SCN1A: variants seen among roughly 807,000 people sequenced by gnomAD.
The protein encoded by SCN1A is sodium voltage-gated channel alpha subunit 1.
SCN1A carries 13 observed loss-of-function variants against 193.7 expected under a neutral mutation model. The ratio of observed to expected loss-of-function variants is 0.07; its 90% CI spans 0.04 to 0.11. The LOEUF (loss-of-function observed/expected upper bound fraction) is 0.11. Ranked by LOEUF, SCN1A falls within the 10% of genes least tolerant of loss-of-function variation. The pLI is 1.00. For missense variants in SCN1A, 1,432 were observed against 2,451.1 expected, an observed-to-expected ratio of 0.58 and a Z score of 8.78; for synonymous variants, 781 against 843.6, an observed-to-expected ratio of 0.93 and a Z score of 1.29.
intron 24 of SCN1A, chr2:166,000,184 G>A (rs868007717): frequency 4.9e-6 from 1 of 202,184 alleles, no homozygotes; most frequent in East Asian, 1.1e-4. Flanking sequence ...TTATCTGCAG[G>A]GTGATCAAAG....
intron 2 of SCN1A, among the ~76,000 whole-genome samples, chr2:166,095,215 C>A (rs1687246721): frequency 1.3e-5 from 2 of 152,074 alleles, no homozygotes; most frequent in Admixed American, 1.3e-4. Flanking sequence ...TTCTCTTTTC[C>A]AAGCTGAAAA....
intron 20 of SCN1A, among the ~76,000 whole-genome samples, chr2:166,014,592 CAAAAAAA>C (rs3032611): frequency 3.5e-5 from 2 of 56,576 alleles, no homozygotes; most frequent in Non-Finnish European, 5.1e-5. Flanking sequence ...ATCTGGTTTT[CAAAAAAA>C]AAAAAAAGAA....
At chr2:166,104,834 C>G (rs1384696613) in intron 2 of SCN1A, among the ~76,000 whole-genome samples, 1 of 152,176 alleles carries the variant, frequency 6.6e-6, no homozygotes, top group Non-Finnish European at 1.5e-5. Flanking sequence ...AGACATTTGT[C>G]TTAGAGCCGA....
chr2:165,992,219 T>C lies in SCN1A; in HGVS notation c.5056A>G (p.Ile1686Val). ...TAGGCAAAGTTGGACATCCCAAAGA[T>C]GGCGTAGATGAACATGACTAGGAAG... ...LLFLVMFIYA[I>V]FGMSNFAYVK... The change falls in exon 29 of 29, where the codon ATC (isoleucine) becomes GTC (valine). Residue 1686 changes from isoleucine (I) to valine (V), a missense_variant. Around this residue, in one of 18 missense-constraint regions of SCN1A, gnomAD observed 85 missense variants for 213.2 expected, o/e 0.40. Coordinates refer to ENST00000674923, the MANE Select transcript of SCN1A (RefSeq NM_001165963.4). This position sits in a 1 kb window ranked among gnomAD's most constrained non-coding sequence, Gnocchi z 6.5. 6.2e-7 allele frequency: 1 copy of C among 1,613,822 alleles called. No individual in the cohort carries two copies.
intron 1 of SCN1A, among the ~76,000 whole-genome samples, chr2:166,139,475 CT>C (rs1691996058): frequency 6.6e-6 from 1 of 152,182 alleles, no homozygotes; most frequent in East Asian, 1.9e-4. Flanking sequence ...CAAAAACTCT[CT>C]TTTTGCCTGC....
At chr2:166,120,264 T>A (rs1690391173) in intron 2 of SCN1A, among the ~76,000 whole-genome samples, 1 of 151,676 alleles carries the variant, frequency 6.6e-6, no homozygotes, top group South Asian at 2.1e-4. Flanking sequence ...TGTAATATTC[T>A]ATTTTTAAAA....
intron 2 of SCN1A, among the ~76,000 whole-genome samples, chr2:166,097,212 G>A (rs1165611540): frequency 6.6e-6 from 1 of 152,070 alleles, no homozygotes; most frequent in Non-Finnish European, 1.5e-5. Flanking sequence ...AGTAGACACA[G>A]GGTTCCACCA....
At position 166,036,193 on chromosome 2, in the gene SCN1A, T is replaced by C. The variant is rs1188507636; in HGVS notation, c.3284A>G (p.Tyr1095Cys). Reference protein sequence around the residue: ...GIGTGSSVEKYIIDESDYMSF... With the variant: ...GIGTGSSVEKCIIDESDYMSF... ...CATGTAATCACTTTCATCAATAATG[T>C]ATTTTTCAACACTGCTGCCAGTTCC... is the stretch of plus-strand genomic sequence containing the variant. The change falls in exon 19 of 29, where the codon TAC (tyrosine) becomes TGC (cysteine). Residue 1095 changes from tyrosine (Y) to cysteine (C), a missense_variant. Physicochemically the swap from Tyr to Cys is radical, Grantham distance 194. Around this residue, in one of 18 missense-constraint regions of SCN1A, gnomAD observed 198 missense variants for 225.8 expected, o/e 0.88. Coordinates refer to ENST00000674923, the MANE Select transcript of SCN1A (RefSeq NM_001165963.4). 2 of 1,614,034 alleles carry C rather than the reference T, an allele frequency of 1.2e-6. No homozygotes were observed. The highest frequency in any genetic ancestry group is 8.5e-7 in the Non-Finnish European group (1 of 1,179,936).
At chr2:166,121,865 C>A (rs1301200451) in intron 2 of SCN1A, among the ~76,000 whole-genome samples, 1 of 152,088 alleles carries the variant, frequency 6.6e-6, no homozygotes, top group Admixed American at 6.5e-5. Flanking sequence ...GGAGTTAGAG[C>A]CTTTGAAGAA....
At chr2:166,082,826 A>G (rs917879678) in intron 2 of SCN1A, among the ~76,000 whole-genome samples, 11 of 152,098 alleles carry the variant, frequency 7.2e-5, no homozygotes, top group Admixed American at 2.0e-4. Context: ...GAGAAAAATT[A>G]TATATCTTCA....
At chr2:166,020,548 A>G (rs982844842) in intron 19 of SCN1A, among the ~76,000 whole-genome samples, 1 of 152,166 alleles carries the variant, frequency 6.6e-6, no homozygotes, top group African/African-American at 2.4e-5. Context: ...TTTCAAATCA[A>G]TTTACACTAT....
chr2:165,993,736 C>G (rs1689613882), intron 28 of SCN1A: 1 of 199,430 alleles, frequency 5.0e-6, no homozygotes, highest in Non-Finnish European at 1.0e-5. Context: ...AAACCACTTT[C>G]CACTAATATC....
At chr2:166,001,604 A>G (rs1690858049) in intron 24 of SCN1A, among the ~76,000 whole-genome samples, 1 of 151,686 alleles carries the variant, frequency 6.6e-6, no homozygotes, top group African/African-American at 2.4e-5. Context: ...CTGAGTTTTC[A>G]AATAATCTGG....
chr2:166,009,144 A>T (rs1399434461), intron 23 of SCN1A, among the ~76,000 whole-genome samples: 1 of 151,130 alleles, frequency 6.6e-6, no homozygotes, highest in Non-Finnish European at 1.5e-5. Flanking sequence ...GTGGATTTGT[A>T]TGTAATCTTT....
At chr2:166,143,829 A>G (rs1191140557) in intron 1 of SCN1A, among the ~76,000 whole-genome samples, 1 of 152,236 alleles carries the variant, frequency 6.6e-6, no homozygotes, top group Non-Finnish European at 1.5e-5. Context: ...AATATTCTAA[A>G]TTGGAAATTG....
chr2:166,033,767 A>T (rs2105779428), intron 19 of SCN1A, among the ~76,000 whole-genome samples: 1 of 152,270 alleles, frequency 6.6e-6, no homozygotes, highest in East Asian at 1.9e-4. Context: ...AAACAATAAG[A>T]GTAAGAATCA....
intron 27 of SCN1A, among the ~76,000 whole-genome samples, chr2:165,994,643 T>C (rs1689761504): frequency 7.6e-6 from 1 of 132,124 alleles, no homozygotes; most frequent in Non-Finnish European, 1.6e-5. Flanking sequence ...AAAGAAGGTT[T>C]CTGATAAAAA....
chr2:166,069,473 G>A (rs1416949778), intron 4 of SCN1A, among the ~76,000 whole-genome samples: 1 of 152,074 alleles, frequency 6.6e-6, no homozygotes, highest in Non-Finnish European at 1.5e-5. Context: ...AAAAATATGT[G>A]GGCATATGCC....
At position 166,037,910 on chromosome 2, in the gene SCN1A, A is replaced by G; in HGVS notation, c.2812T>C (p.Phe938Leu). 1 of 1,614,206 alleles carries G rather than the reference A, an allele frequency of 6.2e-7. No homozygotes were observed. Among genetic ancestry groups the G allele is most frequent in the Non-Finnish European group, 8.5e-7 (1 of 1,180,036 alleles). The change falls in exon 18 of 29, where the codon TTC becomes CTC. Residue 938 changes from phenylalanine (F) to leucine (L), a missense_variant. Physicochemically the swap from Phe to Leu is conservative, Grantham distance 22 (BLOSUM62 0). This residue lies in a region of SCN1A where 93 missense variants were observed against 260.4 expected (regional missense o/e 0.36). Coordinates refer to ENST00000674923, the MANE Select transcript of SCN1A (RefSeq NM_001165963.4). ...QLPRWHMNDF[F>L]HSFLIVFRVL... ...CGGAACACAATCAGGAAGGAGTGGA[A>G]GAAGTCATTCATGTGCCAGCGTGGG...
Sources: allele counts gnomAD v4.1 joint callset (sites outside exome capture counted in the v4.1 genomes callset), GRCh38; gene constraint gnomAD v4.1.1; regional missense constraint gnomAD v4.1.1; non-coding constraint Gnocchi (gnomAD v3.1); transcripts MANE v1.5; gene names NCBI Gene and HGNC (gene_info 2026-07-23, HGNC 2026-07-21).